Variants in PFKFB4 observed in about 807,000 individuals in gnomAD.
PFKFB4 encodes the protein 6-phosphofructo-2-kinase/fructose-2,6-biphosphatase 4, also known as 6-phosphofructo-2-kinase/fructose-2,6-bisphosphatase 4.
Under a neutral mutation model 62.8 loss-of-function variants are expected in PFKFB4, and 42 were observed. The observed-to-expected ratio is 0.67, with a 90% CI of 0.52 to 0.86. The LOEUF (loss-of-function observed/expected upper bound fraction) is 0.86, where lower values mean the gene tolerates loss of function less well. PFKFB4 is among the 40% of genes least tolerant of loss of function. The pLI is 0.00. For synonymous variants in PFKFB4, 204 were observed against 240.7 expected (o/e 0.85, Z 1.41); for missense variants, 475 against 627.2 (o/e 0.76, Z 2.59).
upstream of PFKFB4, chr3:48,562,790 C>T (rs1285640907): frequency 1.3e-6 from 2 of 1,547,160 alleles, no homozygotes; most frequent in East Asian, 4.8e-5. This position sits in a 1 kb window ranked among gnomAD's most constrained non-coding sequence, Gnocchi z 4.3. Context: ...TCAGGCTCAG[C>T]AGTGGCCGAC....
At chr3:48,556,991 C>T, upstream of PFKFB4, 2 of 1,380,318 alleles carry the variant, frequency 1.4e-6, no homozygotes, top group Non-Finnish European at 9.3e-7. The surrounding 1 kb of genome is among the most constrained non-coding windows in gnomAD (Gnocchi z 5.7). Context: ...ACCTACCCGC[C>T]CGTTTTGGAA....
chr3:48,559,495 T>A (rs760585919), upstream of PFKFB4: 66 of 456,878 alleles, frequency 1.4e-4, no homozygotes, highest in Non-Finnish European at 2.7e-4. Context: ...AATCGCACAG[T>A]CCACCTTCAC....
chr3:48,541,124 A>G (rs1397749258), intron 4 of PFKFB4, among the ~76,000 whole-genome samples: 53 of 125,914 alleles, frequency 4.2e-4, no homozygotes, highest in Middle Eastern at 6.7e-3. Flanking sequence ...TTGCTCTGTC[A>G]CCCAGGCTGG....
intron 7 of PFKFB4, 51 bp downstream of exon 7, chr3:48,538,447 C>A: frequency 7.5e-6 from 12 of 1,602,388 alleles, no homozygotes; most frequent in Non-Finnish European, 1.0e-5. Flanking sequence ...CCAAGTATGA[C>A]CCCTGCCGCC....
At chr3:48,526,487 C>T (rs2042262908) in intron 9 of PFKFB4, among the ~76,000 whole-genome samples, 2 of 150,128 alleles carry the variant, frequency 1.3e-5, no homozygotes, top group South Asian at 2.1e-4. Flanking sequence ...GCAGGAGAAT[C>T]GCATGTACCC....
upstream of PFKFB4, among the ~76,000 whole-genome samples, chr3:48,557,873 C>T (rs1255308289): frequency 6.6e-6 from 1 of 152,208 alleles, no homozygotes; most frequent in African/African-American, 2.4e-5. Flanking sequence ...TTTGGGTACT[C>T]ACTAAGCCCT....
upstream of PFKFB4, chr3:48,557,029 A>G: frequency 1.6e-6 from 2 of 1,251,020 alleles, no homozygotes; most frequent in Middle Eastern, 2.9e-4. Context: ...TCAGGCCAGG[A>G]TCGAGAATGC....
At chr3:48,545,565 A>C (rs2042936268) in intron 3 of PFKFB4, among the ~76,000 whole-genome samples, 1 of 152,222 alleles carries the variant, frequency 6.6e-6, no homozygotes, top group African/African-American at 2.4e-5. Flanking sequence ...AATCAGTGGT[A>C]GAGCTGAGTC....
chr3:48,560,972 TC>T, upstream of PFKFB4: 1 of 662,468 alleles, frequency 1.5e-6, no homozygotes. Context: ...CCCAACACTC[TC>T]GCACCCCTCC....
intron 13 of PFKFB4, 93 bp from the exon 14 acceptor site, chr3:48,519,899 T>C: frequency 1.0e-6 from 1 of 964,934 alleles, no homozygotes; most frequent in Non-Finnish European, 1.7e-6. Context: ...TCATCAGGCT[T>C]CACATTCTCA....
chr3:48,531,112 A>T (rs1359088931), intron 9 of PFKFB4, among the ~76,000 whole-genome samples: 1 of 152,142 alleles, frequency 6.6e-6, no homozygotes, highest in Non-Finnish European at 1.5e-5. Flanking sequence ...CATGCCTGTA[A>T]TCCCAGCACT....
intron 10 of PFKFB4, 38 bp from the exon 11 acceptor site, chr3:48,523,868 C>A: frequency 1.3e-6 from 2 of 1,599,886 alleles, no homozygotes; most frequent in Non-Finnish European, 1.7e-6. Flanking sequence ...TCAGGCCTGG[C>A]TCCGGGGGAG....
intron 4 of PFKFB4, among the ~76,000 whole-genome samples, chr3:48,540,713 T>C (rs2042773402): frequency 6.6e-6 from 1 of 151,856 alleles, no homozygotes; most frequent in Non-Finnish European, 1.5e-5. Context: ...GGGCTTAAGT[T>C]ATTCTTTCGC....
chr3:48,530,634 C>G (rs1451610991), intron 9 of PFKFB4, among the ~76,000 whole-genome samples: 1 of 152,132 alleles, frequency 6.6e-6, no homozygotes, highest in Non-Finnish European at 1.5e-5. Flanking sequence ...GTTGCAGATG[C>G]CTTGATGAAA....
chr3:48,562,834 C>T (rs758716106), upstream of PFKFB4: 15 of 1,579,508 alleles, frequency 9.5e-6, no homozygotes, highest in Admixed American at 1.3e-4. This position sits in a 1 kb window ranked among gnomAD's most constrained non-coding sequence, Gnocchi z 4.3. Flanking sequence ...TGGTGGCCTG[C>T]TCCCTGGCAG....
intron 4 of PFKFB4, among the ~76,000 whole-genome samples, chr3:48,541,736 C>T (rs2042805133): frequency 6.6e-6 from 1 of 152,162 alleles, no homozygotes. Flanking sequence ...GAGGCTGGGG[C>T]AGGCAAATTG....
intron 4 of PFKFB4, among the ~76,000 whole-genome samples, chr3:48,540,248 A>T (rs1480755032): frequency 2.0e-5 from 3 of 152,246 alleles, no homozygotes; most frequent in Non-Finnish European, 4.4e-5. Flanking sequence ...AGATGGAGAC[A>T]TCAACACAAT....
chr3:48,559,317 T>G (rs2043395906), upstream of PFKFB4, among the ~76,000 whole-genome samples: 1 of 152,220 alleles, frequency 6.6e-6, no homozygotes. Context: ...CGTCCACATC[T>G]GCTCTGAGGA....
At chr3:48,523,914 C>T in intron 10 of PFKFB4, 84 bp from the exon 11 acceptor site, 1 of 1,399,972 alleles carries the variant, frequency 7.1e-7, no homozygotes, top group Non-Finnish European at 9.9e-7. Flanking sequence ...CCACCTTCCA[C>T]TCCTGCAGCT....
Sources: allele counts gnomAD v4.1 joint callset (sites outside exome capture counted in the v4.1 genomes callset), GRCh38; gene constraint gnomAD v4.1.1; non-coding constraint Gnocchi (gnomAD v3.1); transcripts MANE v1.5; gene names NCBI Gene and HGNC (gene_info 2026-07-23, HGNC 2026-07-21).